PRKAG2: variants seen among roughly 807,000 people sequenced by gnomAD.
PRKAG2 encodes 5'-AMP-activated protein kinase subunit gamma-2.
PRKAG2 carries 26 observed loss-of-function variants against 69.6 expected under a neutral mutation model. The observed-to-expected ratio is 0.37, with a 90% CI of 0.27 to 0.52. PRKAG2 has a LOEUF of 0.52. PRKAG2 is among the 20% of genes least tolerant of loss of function. The pLI, the probability that PRKAG2 is intolerant of heterozygous loss-of-function variation, is 0.90. For missense variants in PRKAG2, 557 were observed against 740.0 expected (o/e 0.75, Z 2.87); for synonymous variants, 293 against 285.0 (o/e 1.03, Z -0.28).
At position 151,733,097 on chromosome 7, in the gene PRKAG2, G is replaced by A. The variant is rs185110294; in HGVS notation, c.466+48055C>T. Among the ~76,000 whole-genome samples the A allele has an allele frequency of 1.5e-3, 224 of 152,340 alleles. 1 individual carries two copies. Among genetic ancestry groups the A allele is most frequent in the Middle Eastern group, 6.8e-3 (2 of 294 alleles). ...AGGGAGGGCTTGGTCAACACTCTTG[G>A]ACTGTTTTTCCTCACTCAGTGTATC... On this transcript the variant is annotated intron_variant, in intron 3 of 15. Coordinates refer to ENST00000287878, the MANE Select transcript of PRKAG2 (RefSeq NM_016203.4).
chr7:151,738,608 G>A lies in PRKAG2; in HGVS notation c.466+42544C>T, dbSNP rs968652294. Reference sequence around the variant, plus strand: ...CCACAAACAATAGCATGAGCGATCTGTGCTTTAAGGACATGCTCCTGCTGC... The same window carrying A: ...CCACAAACAATAGCATGAGCGATCTATGCTTTAAGGACATGCTCCTGCTGC... On this transcript the variant is annotated intron_variant, in intron 3 of 15. Transcript: ENST00000287878. 2.0e-5 allele frequency among the ~76,000 whole-genome samples: 3 copies of A among 152,298 alleles called. No homozygotes were observed. The East Asian group carries it at 5.8e-4, about 29-fold the overall frequency.
intron 3 of PRKAG2, among the ~76,000 whole-genome samples, chr7:151,754,077 C>T (rs2074901288): frequency 6.6e-6 from 1 of 152,218 alleles, no homozygotes; most frequent in South Asian, 2.1e-4. Context: ...TGTGTTAGTG[C>T]TGCCTTTTAC....
At chr7:151,800,472 AAT>A (rs1159071531) in intron 1 of PRKAG2, among the ~76,000 whole-genome samples, 7 of 152,062 alleles carry the variant, frequency 4.6e-5, no homozygotes, top group Admixed American at 4.6e-4. Flanking sequence ...TCCCAAAACA[AAT>A]TCTGTTCCAG....
intron 3 of PRKAG2, among the ~76,000 whole-genome samples, chr7:151,684,470 A>C (rs924037046): frequency 6.6e-6 from 1 of 152,160 alleles, no homozygotes; most frequent in Non-Finnish European, 1.5e-5. Flanking sequence ...CATTCTTTGA[A>C]CATCTGAGCT....
rs1832759284 is a variant in PRKAG2 at position 151,675,434 on chromosome 7, C to T, written c.670G>A (p.Ala224Thr). The T allele has an allele frequency of 4.3e-6, 7 of 1,614,058 alleles. No homozygotes were observed. The highest frequency in any genetic ancestry group is 1.7e-5 in the Admixed American group (1 of 60,020). The change falls in exon 4 of 16, where the codon GCT (alanine) becomes ACT (threonine). Residue 224 changes from alanine to threonine, a missense_variant. Around this residue, in one of 2 missense-constraint regions of PRKAG2, gnomAD observed 352 missense variants for 356.7 expected, o/e 0.99. Transcript: ENST00000287878. ...RPPLASPTHY[A>T]PSKAAALAAA... ...CCCAGACTTACGGCTTTGGAGGGAG[C>T]ATAGTGTGTCGGTGATGCCAGTGGA...
chr7:151,806,827 C>T (rs915611180), intron 1 of PRKAG2: 7 of 369,610 alleles, frequency 1.9e-5, no homozygotes, highest in East Asian at 1.5e-4. Flanking sequence ...GTTAGCTGGG[C>T]GTGTTGGTGC....
intron 4 of PRKAG2, among the ~76,000 whole-genome samples, chr7:151,648,884 G>A (rs1172409573): frequency 6.8e-6 from 1 of 148,134 alleles, no homozygotes; most frequent in Non-Finnish European, 1.5e-5. Context: ...GAAAAATCAG[G>A]TATGTGAGAG....
intron 3 of PRKAG2, among the ~76,000 whole-genome samples, chr7:151,750,093 T>A: frequency 1.9e-5 from 2 of 104,440 alleles, no homozygotes; most frequent in East Asian, 2.8e-4. Flanking sequence ...CAAGACTCCA[T>A]CTCAAAAAAA....
chr7:151,661,018 A>G (rs1830228575), intron 4 of PRKAG2, among the ~76,000 whole-genome samples: 2 of 152,212 alleles, frequency 1.3e-5, no homozygotes, highest in Admixed American at 1.3e-4. Context: ...TTCATCTTAC[A>G]GGAATGTTGT....
chr7:151,746,370 G>A (rs1314881153), intron 3 of PRKAG2, among the ~76,000 whole-genome samples: 4 of 152,186 alleles, frequency 2.6e-5, no homozygotes, highest in Admixed American at 1.3e-4. Context: ...CAAGGTAACA[G>A]GTAGAAAGGT....
chr7:151,848,505 T>C (rs10276297), intron 1 of PRKAG2, among the ~76,000 whole-genome samples: 45,337 of 138,200 alleles, frequency 0.33, 7,977 homozygotes, highest in East Asian at 0.42. Context: ...AAGAAAATAC[T>C]GCATGTCTTT....
At chr7:151,851,911 C>G (rs2079577191) in intron 1 of PRKAG2, among the ~76,000 whole-genome samples, 1 of 152,154 alleles carries the variant, frequency 6.6e-6, no homozygotes, top group Admixed American at 6.5e-5. Context: ...CCGGGGCTTC[C>G]TGCTCTGGTG....
At chr7:151,843,127 A>C (rs2079350632) in intron 1 of PRKAG2, among the ~76,000 whole-genome samples, 1 of 152,106 alleles carries the variant, frequency 6.6e-6, no homozygotes, top group African/African-American at 2.4e-5. Context: ...TCTGGGCATG[A>C]ATATATGTGT....
At chr7:151,600,238 T>C (rs1217438606) in intron 5 of PRKAG2, among the ~76,000 whole-genome samples, 1 of 152,194 alleles carries the variant, frequency 6.6e-6, no homozygotes, top group Non-Finnish European at 1.5e-5. Flanking sequence ...GAGACATCCT[T>C]GACAGCTCCA....
At chr7:151,764,560 G>A (rs907647708) in intron 3 of PRKAG2, among the ~76,000 whole-genome samples, 1 of 152,236 alleles carries the variant, frequency 6.6e-6, no homozygotes, top group African/African-American at 2.4e-5. Context: ...CCCAGGGAGA[G>A]CGGGGAAGTG....
chr7:151,728,623 T>TG (rs145244534), intron 3 of PRKAG2, among the ~76,000 whole-genome samples: 3,802 of 152,308 alleles, frequency 0.025, 158 homozygotes, highest in African/African-American at 0.087. Flanking sequence ...GGCTCTGAAA[T>TG]CTTTCCCTTT....
chr7:151,581,975 T>C (rs953640287), intron 6 of PRKAG2, among the ~76,000 whole-genome samples: 1 of 152,016 alleles, frequency 6.6e-6, no homozygotes, highest in African/African-American at 2.4e-5. Flanking sequence ...AGGTGGCAAA[T>C]ACATGTATGG....
chr7:151,752,920 C>T (rs956680654), intron 3 of PRKAG2, among the ~76,000 whole-genome samples: 4 of 152,248 alleles, frequency 2.6e-5, no homozygotes, highest in Non-Finnish European at 5.9e-5. Flanking sequence ...TGGTGGCAGA[C>T]GCCCCCTTCA....
chr7:151,655,263 T>C (rs114079140), intron 4 of PRKAG2, among the ~76,000 whole-genome samples: 95 of 152,280 alleles, frequency 6.2e-4, no homozygotes, highest in African/African-American at 2.2e-3. Flanking sequence ...CCAAAAGTAC[T>C]CTGTGCGGCA....
Sources: allele counts gnomAD v4.1 joint callset (sites outside exome capture counted in the v4.1 genomes callset), GRCh38; gene constraint gnomAD v4.1.1; regional missense constraint gnomAD v4.1.1; transcripts MANE v1.5; gene names NCBI Gene and HGNC (gene_info 2026-07-23, HGNC 2026-07-21).